Variants in COL4A1 observed in about 807,000 individuals in gnomAD.
The protein encoded by COL4A1 is collagen alpha-1(IV) chain.
Under a neutral mutation model 216.6 loss-of-function variants are expected in COL4A1, and 40 were observed. The ratio of observed to expected loss-of-function variants is 0.18; its 90% confidence interval spans 0.14 to 0.24. The LOEUF (loss-of-function observed/expected upper bound fraction) is 0.24, where lower values mean the gene tolerates loss of function less well. COL4A1 is among the 10% of genes least tolerant of loss of function. The pLI, the probability that COL4A1 is intolerant of heterozygous loss-of-function variation, is 1.00. For synonymous variants in COL4A1, 839 were observed against 810.7 expected (o/e 1.03, Z -0.59); for missense variants, 1,628 against 2,196.8 (o/e 0.74, Z 5.18).
intron 6 of COL4A1, 55 bp downstream of exon 6, chr13:110,212,362 T>C: frequency 1.7e-5 from 27 of 1,600,848 alleles, no homozygotes; most frequent in Non-Finnish European, 2.3e-5. Flanking sequence ...GACTCCTTAA[T>C]ATGCAAAAAT....
chr13:110,186,307 C>A lies in COL4A1; in HGVS notation c.1897+78G>T, dbSNP rs530609650. Reference sequence around the variant, plus strand: ...CGCCCTGGCCTATGCGAACCCCAGGCCTCTGTGTGCACCCGAGGTGCCTGC... The same window carrying A: ...CGCCCTGGCCTATGCGAACCCCAGGACTCTGTGTGCACCCGAGGTGCCTGC... On this transcript the variant is annotated intron_variant, in intron 26 of 51. Coordinates refer to ENST00000375820, the MANE Select transcript of COL4A1 (RefSeq NM_001845.6). 7.5e-5 allele frequency: 118 copies of A among 1,581,496 alleles called. 2 individuals carry two copies. The South Asian group carries it at 1.2e-3, about 16-fold the overall frequency.
At chr13:110,251,256 C>T (rs1290112041) in intron 1 of COL4A1, among the ~76,000 whole-genome samples, 1 of 152,372 alleles carries the variant, frequency 6.6e-6, no homozygotes, top group East Asian at 1.9e-4. Context: ...CCCTGGCCTG[C>T]ACCGGCCATG....
chr13:110,156,432 C>T (rs1161435289), intron 49 of COL4A1, among the ~76,000 whole-genome samples: 4 of 152,172 alleles, frequency 2.6e-5, no homozygotes, highest in Admixed American at 1.3e-4. Flanking sequence ...CCACATGGGC[C>T]TCCTGCGGGA....
At position 110,181,201 on chromosome 13, in the gene COL4A1, T is replaced by C. The variant is rs1594554990; in HGVS notation, c.2193+91A>G. 8.0e-6 allele frequency: 10 copies of C among 1,253,756 alleles called. No homozygotes were observed. The East Asian group carries it at 9.4e-5, about 12-fold the overall frequency. The allele number at this position is 1,253,756 out of a possible 1,614,324, so 77.7% of individuals were successfully genotyped here. A position where few individuals can be genotyped will look rare whatever the true frequency, so the allele number is the denominator to read the frequency against. On this transcript the variant is annotated intron_variant, in intron 29 of 51. Transcript: ENST00000375820. ...AAAACAAAAATCTGCTGGCCCAACA[T>C]GTCCTGGGACGTTCACAACCTGCAT...
intron 1 of COL4A1, among the ~76,000 whole-genome samples, chr13:110,293,050 C>T (rs1884147896): frequency 6.6e-6 from 1 of 152,188 alleles, no homozygotes; most frequent in South Asian, 2.1e-4. Flanking sequence ...AGAGCACCCC[C>T]TAAAAGTGCA....
Position 110,201,363 on chromosome 13 carries a change from GGAC to G in COL4A1, c.1084+72_1084+74del, listed in dbSNP as rs1208548369. The G allele has an allele frequency of 7.2e-6, 8 of 1,116,346 alleles. No homozygotes were observed. The African/African-American group carries it at 8.5e-5, about 12-fold the overall frequency. 69.2% of individuals were successfully genotyped at this position (1,116,346 alleles called of 1,614,324 possible). On this transcript the variant is annotated intron_variant, in intron 19 of 51. Transcript: ENST00000375820. ...AGGAACAGGAGGAGGAGGAGGAAGAGGACGAGGAGGAGGAAGAGGAGGAGGAGA... is the reference window on the plus strand; with the variant it reads ...AGGAACAGGAGGAGGAGGAGGAAGAGGAGGAGGAGGAAGAGGAGGAGGAGA...
intron 1 of COL4A1, among the ~76,000 whole-genome samples, chr13:110,292,442 G>A (rs944586442): frequency 7.9e-5 from 12 of 152,136 alleles, no homozygotes; most frequent in African/African-American, 2.9e-4. Flanking sequence ...TTCCAATCTG[G>A]AGGTGGTTAT....
At chr13:110,257,923 A>T (rs934772611) in intron 1 of COL4A1, among the ~76,000 whole-genome samples, 1 of 152,268 alleles carries the variant, frequency 6.6e-6, no homozygotes, top group African/African-American at 2.4e-5. Context: ...AAAATAAATA[A>T]GAAATACATA....
chr13:110,200,720 A>C (rs773763959), intron 20 of COL4A1, 134 bp downstream of exon 20: 2 of 966,996 alleles, frequency 2.1e-6, no homozygotes, highest in Non-Finnish European at 3.3e-6. Context: ...TGCTTTCATC[A>C]CTAGAAAAGA....
At chr13:110,293,551 G>A (rs180772383) in intron 1 of COL4A1, among the ~76,000 whole-genome samples, 1 of 152,228 alleles carries the variant, frequency 6.6e-6, no homozygotes, top group African/African-American at 2.4e-5. Context: ...AATTGACTCT[G>A]CTCAGAGATG....
intron 21 of COL4A1, among the ~76,000 whole-genome samples, chr13:110,197,059 A>G (rs1298958620): frequency 6.6e-6 from 1 of 152,224 alleles, no homozygotes; most frequent in Non-Finnish European, 1.5e-5. Context: ...TGTAAAGTTC[A>G]TATTTTTACA....
intron 2 of COL4A1, among the ~76,000 whole-genome samples, chr13:110,215,292 GCTC>G (rs1566381217): frequency 3.2e-4 from 3 of 9,506 alleles, no homozygotes; most frequent in African/African-American, 2.7e-3. Context: ...GCGGTGGCTC[GCTC>G]ATGCCTGTAA....
chr13:110,259,159 T>C lies in COL4A1; in HGVS notation c.85-16425A>G, dbSNP rs1052169499. ...TTTTCCATCTTGTTAATTTGCACAT[T>C]TTACCTTTTTAAGGCAATACTCTCC... is the stretch of plus-strand genomic sequence containing the variant. On this transcript the variant is annotated intron_variant, in intron 1 of 51. Coordinates refer to ENST00000375820, the MANE Select transcript of COL4A1 (RefSeq NM_001845.6). Among the ~76,000 whole-genome samples, 11 of 152,344 alleles carry C rather than the reference T, an allele frequency of 7.2e-5. No homozygotes were observed. In the East Asian group the frequency reaches 1.7e-3, roughly 24 times the overall value.
intron 12 of COL4A1, among the ~76,000 whole-genome samples, chr13:110,208,306 G>C (rs1167431884): frequency 1.3e-5 from 2 of 152,196 alleles, no homozygotes; most frequent in Non-Finnish European, 2.9e-5. Context: ...ACACCCACTT[G>C]GTCCTGGACC....
intron 50 of COL4A1, among the ~76,000 whole-genome samples, chr13:110,154,529 C>T (rs918322429): frequency 2.0e-5 from 3 of 152,262 alleles, no homozygotes; most frequent in African/African-American, 7.2e-5. Context: ...GTACTCCCCA[C>T]GTGGAGGCTC....
At chr13:110,227,485 G>C (rs767126868) in intron 2 of COL4A1, among the ~76,000 whole-genome samples, 49 of 151,722 alleles carry the variant, frequency 3.2e-4, no homozygotes, top group Non-Finnish European at 6.3e-4. Context: ...GAGACAGAGA[G>C]ACATAAAGAG....
At chr13:110,152,937 A>G (rs1876578139) in intron 50 of COL4A1, among the ~76,000 whole-genome samples, 1 of 152,244 alleles carries the variant, frequency 6.6e-6, no homozygotes, top group Admixed American at 6.5e-5. Flanking sequence ...ATTAGATGCT[A>G]TTTATCTTAT....
At chr13:110,179,768 G>A (rs76078904) in intron 29 of COL4A1, among the ~76,000 whole-genome samples, 2,150 of 152,228 alleles carry the variant, frequency 0.014, 58 homozygotes, top group African/African-American at 0.05. Flanking sequence ...CTGAGTAACC[G>A]GTAAAATGCC....
In COL4A1 at chr13:110,206,580, T is replaced by C. The variant is rs1010999584; in HGVS notation, c.858+85A>G. 3.2e-5 allele frequency: 47 copies of C among 1,469,456 alleles called. No individual in the cohort carries two copies. In the South Asian group the frequency reaches 4.0e-4, roughly 12 times the overall value. 91.0% of individuals were successfully genotyped at this position (1,469,456 alleles called of 1,614,324 possible). ...AAACTAGAAGTCCCTACGAGCCTTT[T>C]CTGTTCTTGTGTTTCTGTGAATCTG... is the stretch of plus-strand genomic sequence containing the variant. On this transcript the variant is annotated intron_variant, in intron 15 of 51. Coordinates refer to ENST00000375820, the MANE Select transcript of COL4A1 (RefSeq NM_001845.6).
Sources: allele counts gnomAD v4.1 joint callset (sites outside exome capture counted in the v4.1 genomes callset), GRCh38; gene constraint gnomAD v4.1.1; transcripts MANE v1.5; gene names NCBI Gene and HGNC (gene_info 2026-07-23, HGNC 2026-07-21).